ANKRD26: variants seen among roughly 807,000 people sequenced by gnomAD.
ANKRD26 encodes ankyrin repeat domain-containing protein 26.
ANKRD26 carries 141 observed loss-of-function variants against 208.7 expected under a neutral mutation model. The ratio of observed to expected loss-of-function variants is 0.68; its 90% CI spans 0.59 to 0.78. The LOEUF (loss-of-function observed/expected upper bound fraction) is 0.78. ANKRD26 is among the 30% of genes least tolerant of loss of function. ANKRD26 has a pLI of 0.00. For missense variants in ANKRD26, 1,889 were observed against 1,938.7 expected (o/e 0.97, Z 0.48); for synonymous variants, 636 against 660.4 (o/e 0.96, Z 0.57).
At chr10:27,073,192 A>T (rs2055569482) in intron 9 of ANKRD26, among the ~76,000 whole-genome samples, 1 of 152,246 alleles carries the variant, frequency 6.6e-6, no homozygotes, top group Non-Finnish European at 1.5e-5. Context: ...TGCTGGGCTC[A>T]GTGGAGAAAA....
In ANKRD26 at chr10:27,043,400, G is replaced by A. The variant is rs758730768; in HGVS notation, c.2161+26C>T. On this transcript the variant is annotated intron_variant, in intron 20 of 33. Transcript: ENST00000376087. ...ACATTACAATGGGATACATAAAAAG[G>A]CCTTAAATTTATGCAATGGTCCTAC... 2.5e-6 allele frequency: 4 copies of A among 1,609,862 alleles called. No individual in the cohort carries two copies. In the South Asian group the frequency reaches 4.4e-5, roughly 18 times the overall value.
intron 17 of ANKRD26, among the ~76,000 whole-genome samples, chr10:27,047,338 G>A (rs2054483820): frequency 6.6e-6 from 1 of 152,008 alleles, no homozygotes; most frequent in South Asian, 2.1e-4. Flanking sequence ...ATAAAATAAT[G>A]GGCTGGTCAC....
downstream of ANKRD26, among the ~76,000 whole-genome samples, chr10:27,000,923 G>A (rs1208666671): frequency 6.6e-6 from 1 of 152,160 alleles, no homozygotes; most frequent in African/African-American, 2.4e-5. Flanking sequence ...CAGGAGGATG[G>A]CGTGAACCCA....
intron 32 of ANKRD26, among the ~76,000 whole-genome samples, chr10:27,007,609 T>C (rs529445794): frequency 4.6e-5 from 7 of 152,276 alleles, no homozygotes; most frequent in African/African-American, 1.4e-4. Context: ...TGAGCCGAGA[T>C]TGCACCACTG....
At chr10:27,022,144 C>G (rs933405735) in intron 29 of ANKRD26, among the ~76,000 whole-genome samples, 2 of 152,078 alleles carry the variant, frequency 1.3e-5, no homozygotes, top group African/African-American at 4.8e-5. Flanking sequence ...AGCCATTATC[C>G]TTAGTAAACT....
At chr10:27,007,250 A>T (rs1381640800) in intron 32 of ANKRD26, among the ~76,000 whole-genome samples, 1 of 152,228 alleles carries the variant, frequency 6.6e-6, no homozygotes, top group Non-Finnish European at 1.5e-5. Flanking sequence ...TACAAGTTCA[A>T]ACAACTGAAG....
chr10:27,020,378 G>A (rs571982859), intron 29 of ANKRD26, among the ~76,000 whole-genome samples: 12 of 151,994 alleles, frequency 7.9e-5, no homozygotes, highest in Admixed American at 5.9e-4. Flanking sequence ...TAGAACACCG[G>A]AATGCATTCC....
chr10:26,995,598 G>A (rs147110151), intron 4 of ANKRD26, among the ~76,000 whole-genome samples: 1 of 152,224 alleles, frequency 6.6e-6, no homozygotes, highest in African/African-American at 2.4e-5. Context: ...TAGCCAGCCA[G>A]CCCTGAAAAC....
downstream of ANKRD26, among the ~76,000 whole-genome samples, chr10:26,971,053 G>T (rs553313767): frequency 6.6e-6 from 1 of 152,264 alleles, no homozygotes; most frequent in African/African-American, 2.4e-5. Context: ...ATGTTGAGAA[G>T]AAATTAAAAA....
At chr10:27,095,683 TAAG>T (rs1252815361) in intron 1 of ANKRD26, among the ~76,000 whole-genome samples, 1 of 151,944 alleles carries the variant, frequency 6.6e-6, no homozygotes, top group Non-Finnish European at 1.5e-5. Flanking sequence ...AATAAATAAA[TAAG>T]AGGAGGGAGG....
chr10:27,062,772 T>TTCTTTC (rs890322613), intron 12 of ANKRD26, among the ~76,000 whole-genome samples: 10 of 147,308 alleles, frequency 6.8e-5, no homozygotes, highest in African/African-American at 2.5e-4. Context: ...CTTTCTTTCT[T>TTCTTTC]TTTTTTTTTT....
At chr10:27,037,058 G>C in intron 23 of ANKRD26, 128 bp downstream of exon 23, 1 of 902,970 alleles carries the variant, frequency 1.1e-6, no homozygotes, top group Non-Finnish European at 1.6e-6. Context: ...ACTACCCCAA[G>C]ATACACATAT....
In ANKRD26 at chr10:27,012,969, G is replaced by A. The variant is rs926308913; in HGVS notation, c.4866C>T (p.Asn1622=). ...VGNLNNSLDL[N]RKLIPRENLV... ...AGTTTTCTCTTGGAATAAGTTTTCT[G>A]TTGAGATCTAAACTATTATTAAGAT... Residue 1622 remains asparagine, a synonymous_variant, in exon 32 of 34, where the codon AAC becomes AAT. Coordinates refer to ENST00000376087, the MANE Select transcript of ANKRD26 (RefSeq NM_014915.3). The A allele has an allele frequency of 1.8e-5, 29 of 1,613,968 alleles. No individual in the cohort carries two copies. Among genetic ancestry groups the A allele is most frequent in the South Asian group, 5.5e-5 (5 of 91,088 alleles).
the ANKRD26 span, among the ~76,000 whole-genome samples, chr10:26,965,391 A>G: frequency 2.6e-5 from 4 of 152,122 alleles, no homozygotes; most frequent in African/African-American, 9.7e-5. Context: ...AAAGGATTCC[A>G]TATTTAATAA....
chr10:26,978,450 T>C (rs1272520501), intron 5 of ANKRD26, among the ~76,000 whole-genome samples: 4 of 152,072 alleles, frequency 2.6e-5, no homozygotes, highest in Non-Finnish European at 5.9e-5. Flanking sequence ...AGTGAGACCC[T>C]ATCTCAAAAA....
chr10:27,082,759 C>T, intron 6 of ANKRD26, 44 bp downstream of exon 6: 1 of 1,545,166 alleles, frequency 6.5e-7, no homozygotes, highest in Non-Finnish European at 8.7e-7. Context: ...TTTCTTTTCT[C>T]TGTATTCCTT....
At chr10:26,951,354 A>G in the ANKRD26 span, among the ~76,000 whole-genome samples, 1 of 152,076 alleles carries the variant, frequency 6.6e-6, no homozygotes, top group African/African-American at 2.4e-5. Flanking sequence ...TAATTAAATC[A>G]TGGTTATTGA....
At chr10:26,947,979 T>C in the ANKRD26 span, among the ~76,000 whole-genome samples, 1 of 152,256 alleles carries the variant, frequency 6.6e-6, no homozygotes, top group East Asian at 1.9e-4. Flanking sequence ...TCTAGCTTTG[T>C]TGCCCAGGCT....
the ANKRD26 span, among the ~76,000 whole-genome samples, chr10:26,958,678 GT>G: frequency 0.017 from 2,530 of 152,270 alleles, 158 homozygotes; most frequent in East Asian, 0.17. Context: ...ATTGCATGGT[GT>G]GTATACCACA....
Sources: allele counts gnomAD v4.1 joint callset (sites outside exome capture counted in the v4.1 genomes callset), GRCh38; gene constraint gnomAD v4.1.1; transcripts MANE v1.5; gene names NCBI Gene and HGNC (gene_info 2026-07-23, HGNC 2026-07-21).